AHCTF1: variants seen among roughly 807,000 people sequenced by gnomAD.
The protein encoded by AHCTF1 is AT-hook containing transcription factor 1, also known as protein ELYS.
A neutral mutation model predicts 248.4 loss-of-function variants in AHCTF1; 24 were observed. That is an observed-to-expected ratio of 0.10 (90% CI 0.07 to 0.14). AHCTF1 has a LOEUF of 0.14. AHCTF1 is among the 10% of genes least tolerant of loss of function. AHCTF1 has a pLI of 1.00. For missense variants in AHCTF1, 2,206 were observed against 2,636.2 expected, an observed-to-expected ratio of 0.84 and a Z score of 3.57; for synonymous variants, 786 against 929.8, an observed-to-expected ratio of 0.85 and a Z score of 2.81.
rs529524216 is a variant in AHCTF1, at chr1:246,857,472, C to CTCAAT, written c.4256+214_4256+218dup. Among the ~76,000 whole-genome samples the CTCAAT allele has an allele frequency of 1.1e-3, 163 of 152,256 alleles. 2 individuals carry two copies. The highest frequency in any genetic ancestry group is 3.8e-3 in the African/African-American group (156 of 41,530). Reference sequence around the variant, plus strand: ...AAAAACAGAATCACCAGAGTTCTGCCTCAATTTACCGTGTCTCTGTATATT... The same window carrying CTCAAT: ...AAAAACAGAATCACCAGAGTTCTGCCTCAATTCAATTTACCGTGTCTCTGTATATT... On this transcript the variant is annotated intron_variant, in intron 30 of 35. Transcript: ENST00000648844.
chr1:246,904,077 T>C lies in AHCTF1; in HGVS notation c.882-44A>G, dbSNP rs1354686379. The C allele has an allele frequency of 2.0e-6, 3 of 1,493,736 alleles. No homozygotes were observed. The African/African-American group carries it at 4.1e-5, about 21-fold the overall frequency. 92.5% of individuals were successfully genotyped at this position (1,493,736 alleles called of 1,614,324 possible). On this transcript the variant is annotated intron_variant, in intron 6 of 35. Transcript: ENST00000648844. ...AAGACACGCTAAATATATTAATACA[T>C]TAAACATCTCTTACTGTCCAAGTAA...
At chr1:246,927,732 C>T (rs1223660048) in intron 1 of AHCTF1, among the ~76,000 whole-genome samples, 1 of 152,202 alleles carries the variant, frequency 6.6e-6, no homozygotes, top group East Asian at 1.9e-4. Flanking sequence ...TGGCCGGGCG[C>T]GGTAGCTCAA....
chr1:246,859,135 A>G (rs1022650192), intron 29 of AHCTF1, among the ~76,000 whole-genome samples: 1 of 152,210 alleles, frequency 6.6e-6, no homozygotes, highest in African/African-American at 2.4e-5. Context: ...TAAAGTTCTT[A>G]GAGTAATTAA....
chr1:246,908,528 T>C (rs1234057419), intron 4 of AHCTF1, among the ~76,000 whole-genome samples: 3 of 152,026 alleles, frequency 2.0e-5, no homozygotes, highest in Non-Finnish European at 2.9e-5. Flanking sequence ...ATGAGAAAAT[T>C]ATTCTTTACA....
chr1:246,865,540 T>C (rs896653571), intron 26 of AHCTF1, among the ~76,000 whole-genome samples: 1 of 152,258 alleles, frequency 6.6e-6, no homozygotes, highest in Non-Finnish European at 1.5e-5. Flanking sequence ...ATTTAAATTC[T>C]GTACTTGGAT....
At position 246,902,522 on chromosome 1, in the gene AHCTF1, A is replaced by G; in HGVS notation, c.1117+3T>C. The stretch of plus-strand genomic sequence containing the variant: ...ATGACATATTTCAAGTACTTTAACT[A>G]ACCTTCATTCACGCCTTCCTCCCTG... On this transcript the variant is annotated splice_donor_region_variant and intron_variant, in intron 8 of 35. Transcript: ENST00000648844. 1 of 1,608,342 alleles carries G rather than the reference A, an allele frequency of 6.2e-7. No homozygotes were observed. Among genetic ancestry groups the G allele is most frequent in the East Asian group, 2.2e-5 (1 of 44,818 alleles).
chr1:246,875,970 A>G (rs1662930151), intron 24 of AHCTF1, 67 bp downstream of exon 24: 21 of 1,420,368 alleles, frequency 1.5e-5, no homozygotes, highest in Non-Finnish European at 1.9e-5. Context: ...AGGTGGTTTC[A>G]GAAAAGTAAT....
In AHCTF1 at chr1:246,918,243, T is replaced by C. The variant is rs758282811; in HGVS notation, c.121+7A>G. The C allele has an allele frequency of 7.5e-6, 12 of 1,606,026 alleles. No individual in the cohort carries two copies. In the South Asian group the frequency reaches 1.2e-4, roughly 16 times the overall value. On this transcript the variant is annotated splice_region_variant and intron_variant, in intron 2 of 35. Transcript: ENST00000648844. ...TATTAGTAAATGTTCAGTGACATTA[T>C]GTTTACCTGCAGCAAACTTTCCACG...
Position 246,868,933 on chromosome 1 carries a change from C to T in AHCTF1, c.3089-1122G>A, listed in dbSNP as rs576634168. Among the ~76,000 whole-genome samples, 12 of 149,066 alleles carry T rather than the reference C, an allele frequency of 8.1e-5. No homozygotes were observed. The South Asian group carries it at 8.5e-4, about 11-fold the overall frequency. ...GATCTCGGCTCACTGCAAGTTCTGCCTCCCGGGTTCACGCCATTCTCCTGC... is the reference window on the plus strand; with the variant it reads ...GATCTCGGCTCACTGCAAGTTCTGCTTCCCGGGTTCACGCCATTCTCCTGC... On this transcript the variant is annotated intron_variant, in intron 24 of 35. Coordinates refer to ENST00000648844, the MANE Select transcript of AHCTF1 (RefSeq NM_001323342.2).
chr1:246,889,166 C>T (rs992132698), intron 17 of AHCTF1, among the ~76,000 whole-genome samples: 3 of 152,160 alleles, frequency 2.0e-5, no homozygotes, highest in African/African-American at 4.8e-5. Context: ...TCTGTTTCAT[C>T]ACTTGGGTTA....
At position 246,894,702 on chromosome 1, in the gene AHCTF1, C is replaced by A; in HGVS notation, c.1761G>T (p.Thr587=). ...ATNLRFVLEW[T]WNKVVLTKEE... The stretch of plus-strand genomic sequence containing the variant: ...CTTTTGTGAGAACCACTTTATTCCA[C>A]GTCCATTCAAGAACAAAGCGCAAAT... Residue 587 remains threonine (T), a synonymous_variant, in exon 14 of 36, where the codon ACG becomes ACT. Transcript: ENST00000648844. The A allele has an allele frequency of 6.2e-7, 1 of 1,613,676 alleles. No individual in the cohort carries two copies.
At chr1:246,875,734 T>C (rs1235066157) in intron 24 of AHCTF1, among the ~76,000 whole-genome samples, 1 of 152,224 alleles carries the variant, frequency 6.6e-6, no homozygotes, top group African/African-American at 2.4e-5. Flanking sequence ...AGATGATCCT[T>C]AGCATTTTTT....
chr1:246,907,706 A>G lies in AHCTF1; in HGVS notation c.609T>C (p.Ser203=), dbSNP rs757968395. The part of the protein sequence containing the change: ...IPAEVPHIRE[S]VMRQGRHLCF... ...ACAGATGGCGCCCTTGTCTCATTAC[A>G]CTTTCTCTAATGTGTGGTACTTCAG... Residue 203 remains serine (S), a synonymous_variant, in exon 5 of 36, where the codon AGT becomes AGC. Transcript: ENST00000648844. 4.3e-6 allele frequency: 7 copies of G among 1,613,916 alleles called. No homozygotes were observed. The African/African-American group carries it at 5.3e-5, about 12-fold the overall frequency.
At chr1:246,844,993 G>GC (rs1660145829) in intron 33 of AHCTF1, among the ~76,000 whole-genome samples, 1 of 152,156 alleles carries the variant, frequency 6.6e-6, no homozygotes, top group South Asian at 2.1e-4. Flanking sequence ...GTTAATAGTA[G>GC]CATCTATCTC....
At chr1:246,844,072 T>C in intron 33 of AHCTF1, 144 bp from the exon 34 acceptor site, 1 of 518,190 alleles carries the variant, frequency 1.9e-6, no homozygotes, top group Non-Finnish European at 3.0e-6. Flanking sequence ...GCAACCTAAG[T>C]ATCCATGTTG....
rs1659806535 is a variant in AHCTF1, at chr1:246,840,848, C to T, written c.6759G>A (p.Leu2253=). ...GTGLGRNRKK[L]SSYPKQILRR... ...GTAAAATTTGCTTTGGATAGGAAGA[C>T]AGTTTCTTTCTGTTCCTTCCAAGAC... The change falls in exon 36 of 36, where the codon CTG becomes CTA. Residue 2253 remains leucine, a synonymous_variant. Coordinates refer to ENST00000648844, the MANE Select transcript of AHCTF1 (RefSeq NM_001323342.2). The T allele has an allele frequency of 8.7e-6, 14 of 1,605,330 alleles. No individual in the cohort carries two copies. The highest frequency in any genetic ancestry group is 1.1e-5 in the Non-Finnish European group (13 of 1,177,730).
At chr1:246,874,165 G>A (rs1157664687) in intron 24 of AHCTF1, among the ~76,000 whole-genome samples, 3 of 151,996 alleles carry the variant, frequency 2.0e-5, no homozygotes, top group African/African-American at 7.3e-5. Flanking sequence ...CCAAACTCCA[G>A]TTTCTAGTAT....
At chr1:246,868,339 TTGAACTCCTGACCTCATGTGATCCACC>T (rs1363611212) in intron 24 of AHCTF1, among the ~76,000 whole-genome samples, 2 of 146,366 alleles carry the variant, frequency 1.4e-5, no homozygotes, top group Admixed American at 6.6e-5. Context: ...CAGGCTGGTC[TTGAACTCCTGACCTCATGTGATCCACC>T]CGCCTTGGCC....
At chr1:246,885,436 A>G in intron 21 of AHCTF1, 57 bp downstream of exon 21, 1 of 1,429,630 alleles carries the variant, frequency 7.0e-7, no homozygotes, top group Admixed American at 2.1e-5. Context: ...TATCTCATCA[A>G]TTCCATTTTA....
Sources: gnomAD v4.1 joint callset for allele counts (sites outside exome capture counted in the v4.1 genomes callset) on GRCh38, gnomAD v4.1.1 for gene constraint, MANE v1.5 for transcripts, NCBI Gene and HGNC (gene_info 2026-07-23, HGNC 2026-07-21) for gene names.